Variants in SPX observed in about 807,000 individuals in gnomAD.
SPX encodes spexin hormone.
Under a neutral mutation model 19.2 loss-of-function variants are expected in SPX, and 22 were observed. That is an observed-to-expected ratio of 1.15 (90% CI 0.82 to 1.64). The LOEUF is 1.64. Among genes scored for constraint, SPX ranks in the 40% most tolerant of loss-of-function variants. SPX has a pLI of 0.00. For synonymous variants in SPX, 50 were observed against 53.3 expected (o/e 0.94, Z 0.27); for missense variants, 143 against 137.7 (o/e 1.04, Z -0.19).
intron 1 of SPX, 114 bp downstream of exon 1, chr12:21,526,592 G>A (rs1943817131): frequency 9.9e-7 from 1 of 1,010,236 alleles, no homozygotes; most frequent in Non-Finnish European, 1.5e-6. Context: ...ATATTTGAAC[G>A]ATACGCCTTT....
intron 3 of SPX, 177 bp from the exon 4 acceptor site, chr12:21,527,550 C>G: frequency 4.4e-6 from 3 of 677,146 alleles, no homozygotes; most frequent in Non-Finnish European, 7.6e-6. Flanking sequence ...GGGCCCCTGG[C>G]TCAGCCCGGG....
At position 21,531,363 on chromosome 12, in the gene SPX, A is replaced by G. The variant is rs528730974; in HGVS notation, c.*168A>G. ...TATAGGATGCTTAGCTGAGAACATC[A>G]TCTTCTTTCATTGCTTCAGGTCCTG... is the stretch of plus-strand genomic sequence containing the variant. On this transcript the variant is annotated 3_prime_UTR_variant, in exon 6 of 6. Transcript: ENST00000256969. 1.0e-5 allele frequency: 5 copies of G among 500,424 alleles called. No homozygotes were observed. The East Asian group carries it at 1.7e-4, about 17-fold the overall frequency. The allele number at this position is 500,424 out of a possible 1,614,324, so 31.0% of individuals were successfully genotyped here.
rs1943873916 is a variant in SPX at position 21,532,381 on chromosome 12, C to A, written c.*1186C>A. On this transcript the variant is annotated 3_prime_UTR_variant, in exon 6 of 6. Coordinates refer to ENST00000256969, the MANE Select transcript of SPX (RefSeq NM_030572.4). Reference sequence around the variant, plus strand: ...TCTGTAACTTGGAATTGCAATTTCACTGTGTTAAGTAATCAGAACTCTGCT... The same window carrying A: ...TCTGTAACTTGGAATTGCAATTTCAATGTGTTAAGTAATCAGAACTCTGCT... The A allele has an allele frequency of 6.6e-6, 1 of 152,136 alleles. No homozygotes were observed. Among genetic ancestry groups the A allele is most frequent in the Non-Finnish European group, 1.5e-5 (1 of 68,004 alleles). 9.4% of individuals were successfully genotyped at this position (152,136 alleles called of 1,614,324 possible).
chr12:21,526,983 T>C lies in SPX; in HGVS notation c.87+17T>C, dbSNP rs1565586073. ...GCTCCGCAGGTAATCAAATGCAAAA[T>C]AAAAAATTTTAAAACAATGCGCACT... On this transcript the variant is annotated intron_variant, in intron 2 of 5. Transcript: ENST00000256969. 1 of 1,610,298 alleles carries C rather than the reference T, an allele frequency of 6.2e-7. No homozygotes were observed. Among genetic ancestry groups the C allele is most frequent in the Non-Finnish European group, 8.5e-7 (1 of 1,176,576 alleles).
chr12:21,526,598 C>G (rs1943817186), intron 1 of SPX, 120 bp downstream of exon 1: 1 of 963,548 alleles, frequency 1.0e-6, no homozygotes, highest in East Asian at 2.6e-5. Context: ...GAACGATACG[C>G]CTTTAGAATA....
intron 3 of SPX, chr12:21,527,459 A>C (rs1026533619): frequency 8.4e-6 from 5 of 597,842 alleles, no homozygotes; most frequent in African/African-American, 3.7e-5. Flanking sequence ...GTTGCCTGGG[A>C]AATATCTCAG....
At chr12:21,529,957 C>A (rs537904482) in intron 5 of SPX, among the ~76,000 whole-genome samples, 24 of 152,056 alleles carry the variant, frequency 1.6e-4, no homozygotes, top group African/African-American at 5.3e-4. Flanking sequence ...ATGTGCAGAG[C>A]CAGAAAGGAA....
rs545765306 is a variant in SPX, at chr12:21,527,035, T to C, written c.87+69T>C. 3 of 1,587,524 alleles carry C rather than the reference T, an allele frequency of 1.9e-6. No individual in the cohort carries two copies. In the South Asian group the frequency reaches 3.3e-5, roughly 18 times the overall value. ...TGTGTCCACTCTGCTCTTTCTTTCT[T>C]CCTTCTTGTTTTATTCTCTTCTTTT... is the stretch of plus-strand genomic sequence containing the variant. On this transcript the variant is annotated intron_variant, in intron 2 of 5. Transcript: ENST00000256969.
In SPX at chr12:21,531,150, C is replaced by T; in HGVS notation, c.306C>T (p.Asn102=). The T allele has an allele frequency of 6.3e-7, 1 of 1,586,702 alleles. No homozygotes were observed. The part of the protein sequence containing the change: ...LQKSPEDEEK[N]FDQTRFLEDS... ...TTTTTCTTACAGATGAAGAAAAAAA[C>T]TTTGATCAAACCAGATTCCTGGAAG... is the stretch of plus-strand genomic sequence containing the variant. Residue 102 remains asparagine (N), a synonymous_variant, in exon 6 of 6, where the codon AAC becomes AAT. Transcript: ENST00000256969.
chr12:21,526,386 G>T lies in SPX; in HGVS notation c.-87G>T. 6 of 1,409,994 alleles carry T rather than the reference G, an allele frequency of 4.3e-6. No homozygotes were observed. The highest frequency in any genetic ancestry group is 1.4e-5 in the South Asian group (1 of 69,506). The allele number at this position is 1,409,994 out of a possible 1,614,324, so 87.3% of individuals were successfully genotyped here. ...GATGGGGAGGTGCCCTTAACACCAAGATTTTAAAAGCTCCAATTTCAGAGC... is the reference window on the plus strand; with the variant it reads ...GATGGGGAGGTGCCCTTAACACCAATATTTTAAAAGCTCCAATTTCAGAGC... On this transcript the variant is annotated 5_prime_UTR_variant, in exon 1 of 6. Transcript: ENST00000256969.
rs1324636881 is a variant in SPX, at chr12:21,529,088, C to CT, written c.292+5dup. On this transcript the variant is annotated splice_donor_region_variant and intron_variant, in intron 5 of 5. Transcript: ENST00000256969. ...TCCCTTCAGAAATCACCAGAAGGTA[C>CT]TAGCATAGTGGCCTCTTTCACCTGC... The CT allele has an allele frequency of 3.1e-6, 5 of 1,612,056 alleles. No individual in the cohort carries two copies. In the Admixed American group the frequency reaches 8.3e-5, roughly 27 times the overall value.
intron 3 of SPX, 193 bp downstream of exon 3, chr12:21,527,385 C>T: frequency 1.6e-6 from 1 of 622,266 alleles, no homozygotes. Flanking sequence ...AATCCTCCAT[C>T]CTTATTAGAA....
In SPX at chr12:21,527,293, A is replaced by T. The variant is rs937865414; in HGVS notation, c.145+101A>T. 1.7e-5 allele frequency: 20 copies of T among 1,204,640 alleles called. No individual in the cohort carries two copies. In the African/African-American group the frequency reaches 2.4e-4, roughly 15 times the overall value. The allele number at this position is 1,204,640 out of a possible 1,614,324, so 74.6% of individuals were successfully genotyped here. On this transcript the variant is annotated intron_variant, in intron 3 of 5. Transcript: ENST00000256969. Reference sequence around the variant, plus strand: ...ATGGAGAGAGAATAATGTCGAGTTTATTCCCTTAAATCATCGAGGCCATCA... The same window carrying T: ...ATGGAGAGAGAATAATGTCGAGTTTTTTCCCTTAAATCATCGAGGCCATCA...
At chr12:21,529,305 C>T (rs10770822) in intron 5 of SPX, among the ~76,000 whole-genome samples, 75,347 of 151,684 alleles carry the variant, frequency 0.5, 21,466 homozygotes, top group East Asian at 0.72. Flanking sequence ...AACTTCAGAG[C>T]CCGTTAATAA....
intron 5 of SPX, among the ~76,000 whole-genome samples, chr12:21,529,610 A>G (rs996444998): frequency 6.6e-6 from 1 of 152,190 alleles, no homozygotes; most frequent in Non-Finnish European, 1.5e-5. Context: ...AGGGGACATT[A>G]AACAGTGTGT....
chr12:21,527,126 G>T lies in SPX; in HGVS notation c.88-9G>T, dbSNP rs750313150. 2.5e-6 allele frequency: 4 copies of T among 1,613,546 alleles called. No homozygotes were observed. The East Asian group carries it at 8.9e-5, about 36-fold the overall frequency. Reference sequence around the variant, plus strand: ...TTATTAACTGCTCTTCCCTTCCCCCGGGCTATAGAGACTGTTGGAGAGAAG... The same window carrying T: ...TTATTAACTGCTCTTCCCTTCCCCCTGGCTATAGAGACTGTTGGAGAGAAG... On this transcript the variant is annotated splice_polypyrimidine_tract_variant and intron_variant, in intron 2 of 5. Coordinates refer to ENST00000256969, the MANE Select transcript of SPX (RefSeq NM_030572.4).
rs1041739433 is a variant in SPX at position 21,527,358 on chromosome 12, A to G, written c.145+166A>G. On this transcript the variant is annotated intron_variant, in intron 3 of 5. Transcript: ENST00000256969. The stretch of plus-strand genomic sequence containing the variant: ...TGAGGGAGGGGTGGGAGAGGGGAAG[A>G]GTCCCTGATTATTGGAAATCCTCCA... 13 of 665,122 alleles carry G rather than the reference A, an allele frequency of 2.0e-5. No individual in the cohort carries two copies. In the Admixed American group the frequency reaches 2.1e-4, roughly 11 times the overall value. 41.2% of individuals were successfully genotyped at this position (665,122 alleles called of 1,614,324 possible).
chr12:21,528,955 A>G (rs747080031), intron 4 of SPX, 46 bp from the exon 5 acceptor site: 2 of 1,508,492 alleles, frequency 1.3e-6, no homozygotes, highest in Non-Finnish European at 1.8e-6. Context: ...TATCTACATC[A>G]ATATATAAAT....
In SPX at chr12:21,526,301, A is replaced by T. The variant is rs1943813622; in HGVS notation, c.-172A>T. 2.0e-6 allele frequency: 1 copy of T among 512,012 alleles called. No homozygotes were observed. Among genetic ancestry groups the T allele is most frequent in the Non-Finnish European group, 3.5e-6 (1 of 285,794 alleles). 31.7% of individuals were successfully genotyped at this position (512,012 alleles called of 1,614,324 possible). ...TGAAGCTCCCTGGAGGAGTCATCAGATTCTCAATCTTGCTTGAAGACTGAC... is the reference window on the plus strand; with the variant it reads ...TGAAGCTCCCTGGAGGAGTCATCAGTTTCTCAATCTTGCTTGAAGACTGAC... On this transcript the variant is annotated 5_prime_UTR_variant, in exon 1 of 6. Coordinates refer to ENST00000256969, the MANE Select transcript of SPX (RefSeq NM_030572.4).
Sources: allele counts gnomAD v4.1 joint callset (sites outside exome capture counted in the v4.1 genomes callset), GRCh38; gene constraint gnomAD v4.1.1; transcripts MANE v1.5; gene names NCBI Gene and HGNC (gene_info 2026-07-23, HGNC 2026-07-21).